Variants in KCNC2 observed in about 807,000 individuals in gnomAD.
KCNC2 encodes potassium voltage-gated channel subfamily C member 2.
KCNC2 carries 21 observed loss-of-function variants against 44.5 expected under a neutral mutation model. That is an observed-to-expected ratio of 0.47 (90% CI 0.33 to 0.68). The LOEUF is 0.68. Ranked by LOEUF, KCNC2 falls within the 30% of genes least tolerant of loss-of-function variation. KCNC2 has a pLI of 0.01. For missense variants in KCNC2, 589 were observed against 826.2 expected (o/e 0.71, Z 3.52); for synonymous variants, 391 against 339.1 (o/e 1.15, Z -1.68).
At position 75,048,164 on chromosome 12, in the gene KCNC2, C is replaced by T; in HGVS notation, c.1769G>A (p.Gly590Glu). 1 of 1,612,690 alleles carries T rather than the reference C, an allele frequency of 6.2e-7. No homozygotes were observed. Among genetic ancestry groups the T allele is most frequent in the Non-Finnish European group, 8.5e-7 (1 of 1,179,166 alleles). ...AAATGCATGCCTACCTTTCCTGATC[C>T]CTCCATCAGAAGCACACGTGTAATC... The part of the protein sequence containing the change: ...TGDYTCASDG[G>E]IRKGYEKSRS... The change falls in exon 4 of 5, where the codon GGG (glycine) becomes GAG (glutamate). Residue 590 changes from glycine to glutamate, a missense_variant. This residue lies in a region of KCNC2 where 171 missense variants were observed against 182.4 expected (regional missense o/e 0.94). Coordinates refer to ENST00000549446, the MANE Select transcript of KCNC2 (RefSeq NM_139137.4).
intron 2 of KCNC2, among the ~76,000 whole-genome samples, chr12:75,177,351 T>C (rs1386937176): frequency 6.6e-6 from 1 of 151,942 alleles, no homozygotes; most frequent in Non-Finnish European, 1.5e-5. Context: ...ATCCCAATAG[T>C]TTTAAATTGT....
At chr12:75,124,993 C>G (rs1317624834) in intron 2 of KCNC2, 1 of 152,062 alleles carries the variant, frequency 6.6e-6, no homozygotes, top group Non-Finnish European at 1.5e-5. Flanking sequence ...GTAGTCCTAG[C>G]TATGCGGGAG....
rs115531828 is a variant in KCNC2 at position 75,133,325 on chromosome 12, T to C, written c.687+73972A>G. Among the ~76,000 whole-genome samples, 1,382 of 152,066 alleles carry C rather than the reference T, an allele frequency of 9.1e-3. 20 individuals carry two copies. Among genetic ancestry groups the C allele is most frequent in the African/African-American group, 0.032 (1,309 of 41,546 alleles). The stretch of plus-strand genomic sequence containing the variant: ...AAAGATGATAAAATATTTGAGGTTA[T>C]GGATTACCCAAATTTGATCATTACA... On this transcript the variant is annotated intron_variant, in intron 2 of 4. Coordinates refer to ENST00000549446, the MANE Select transcript of KCNC2 (RefSeq NM_139137.4).
intron 2 of KCNC2, among the ~76,000 whole-genome samples, chr12:75,078,728 T>C (rs1884217062): frequency 6.6e-6 from 1 of 152,178 alleles, no homozygotes; most frequent in Non-Finnish European, 1.5e-5. Flanking sequence ...GTTGGTCTGC[T>C]TCCAGATTAA....
At chr12:75,130,399 A>G (rs560372760) in intron 2 of KCNC2, among the ~76,000 whole-genome samples, 28 of 152,196 alleles carry the variant, frequency 1.8e-4, no homozygotes, top group African/African-American at 6.0e-4. Context: ...TCTGTTTTCT[A>G]TTTATCTCTC....
chr12:75,182,529 A>AAAAAAAAAC (rs1274120447), intron 2 of KCNC2, among the ~76,000 whole-genome samples: 1 of 138,388 alleles, frequency 7.2e-6, no homozygotes, highest in South Asian at 2.3e-4. Context: ...TCAAAAAAAA[A>AAAAAAAAAC]AAAAAAAACA....
chr12:75,174,686 T>C (rs1299973856), intron 2 of KCNC2, among the ~76,000 whole-genome samples: 2 of 151,898 alleles, frequency 1.3e-5, no homozygotes, highest in African/African-American at 4.8e-5. Context: ...TACTGGTACT[T>C]ATTAAAATGT....
At chr12:75,147,170 T>A (rs1403850126) in intron 2 of KCNC2, among the ~76,000 whole-genome samples, 2 of 152,164 alleles carry the variant, frequency 1.3e-5, no homozygotes, top group Admixed American at 1.3e-4. Context: ...TAATTACATT[T>A]TGTTGACAAT....
At chr12:75,149,917 A>G (rs888748177) in intron 2 of KCNC2, among the ~76,000 whole-genome samples, 1 of 151,852 alleles carries the variant, frequency 6.6e-6, no homozygotes, top group Non-Finnish European at 1.5e-5. Context: ...TCATTCAACC[A>G]ACAGAGTCAG....
At chr12:75,137,707 A>G (rs1160426151) in intron 2 of KCNC2, among the ~76,000 whole-genome samples, 1 of 152,198 alleles carries the variant, frequency 6.6e-6, no homozygotes, top group Non-Finnish European at 1.5e-5. Flanking sequence ...TATGACCTTT[A>G]AAACAAAAAA....
intron 2 of KCNC2, among the ~76,000 whole-genome samples, chr12:75,115,908 T>A (rs916437548): frequency 1.3e-5 from 2 of 152,180 alleles, no homozygotes; most frequent in Non-Finnish European, 2.9e-5. Flanking sequence ...CTGCTTTGAA[T>A]GCATTTATTT....
At chr12:75,206,434 G>T (rs2031693184) in intron 2 of KCNC2, among the ~76,000 whole-genome samples, 1 of 152,150 alleles carries the variant, frequency 6.6e-6, no homozygotes, top group Non-Finnish European at 1.5e-5. Context: ...AATTGGGAAT[G>T]TCAAGGATTA....
intron 2 of KCNC2, among the ~76,000 whole-genome samples, chr12:75,071,937 CA>C (rs751849483): frequency 1.1e-3 from 77 of 67,356 alleles, no homozygotes; most frequent in African/African-American, 4.8e-3. Flanking sequence ...GACTCCTTCT[CA>C]AAAAAAAAAA....
In KCNC2 at chr12:75,190,288, C is replaced by T. The variant is rs2030070478; in HGVS notation, c.687+17009G>A. ...TGGTCATGCCTATCTTCTTTCAGTT[C>T]CTTTAATTTTCTTTGCTCTCATCTC... is the stretch of plus-strand genomic sequence containing the variant. On this transcript the variant is annotated intron_variant, in intron 2 of 4. Transcript: ENST00000549446. 2.6e-5 allele frequency among the ~76,000 whole-genome samples: 4 copies of T among 152,160 alleles called. 1 individual carries two copies. The South Asian group carries it at 8.3e-4, about 32-fold the overall frequency.
At chr12:75,181,517 G>A (rs1234564129) in intron 2 of KCNC2, among the ~76,000 whole-genome samples, 2 of 152,038 alleles carry the variant, frequency 1.3e-5, no homozygotes, top group South Asian at 4.1e-4. Context: ...GGCTGCTGAG[G>A]GTTCCCTAAT....
At chr12:75,136,008 AC>A (rs1362007082) in intron 2 of KCNC2, among the ~76,000 whole-genome samples, 1 of 151,820 alleles carries the variant, frequency 6.6e-6, no homozygotes, top group Non-Finnish European at 1.5e-5. Context: ...ATTTCCCTCC[AC>A]CTAAGACAAA....
chr12:75,117,386 A>G (rs2137269214), intron 2 of KCNC2, among the ~76,000 whole-genome samples: 1 of 152,328 alleles, frequency 6.6e-6, no homozygotes, highest in East Asian at 1.9e-4. Flanking sequence ...TAAATTTTCT[A>G]TAAAACAACT....
At chr12:75,193,323 T>A (rs2030470589) in intron 2 of KCNC2, among the ~76,000 whole-genome samples, 2 of 151,544 alleles carry the variant, frequency 1.3e-5, no homozygotes, top group South Asian at 4.2e-4. Context: ...AATACATAGG[T>A]TGGAAGTGGA....
chr12:75,207,152 G>C lies in KCNC2; in HGVS notation c.687+145C>G. 7.1e-7 allele frequency: 1 copy of C among 1,404,576 alleles called. No homozygotes were observed. Among genetic ancestry groups the C allele is most frequent in the Non-Finnish European group, 9.3e-7 (1 of 1,072,138 alleles). 87.0% of individuals were successfully genotyped at this position (1,404,576 alleles called of 1,614,324 possible). ...GGGGTCCCTGGGTTTACCCTGCAAAGGATGAGCCTCTAACTGTATCGCTAG... is the reference window on the plus strand; with the variant it reads ...GGGGTCCCTGGGTTTACCCTGCAAACGATGAGCCTCTAACTGTATCGCTAG... On this transcript the variant is annotated intron_variant, in intron 2 of 4. Transcript: ENST00000549446. This position sits in a 1 kb window ranked among gnomAD's most constrained non-coding sequence, Gnocchi z 4.1.
Sources: allele counts gnomAD v4.1 joint callset (sites outside exome capture counted in the v4.1 genomes callset), GRCh38; gene constraint gnomAD v4.1.1; regional missense constraint gnomAD v4.1.1; non-coding constraint Gnocchi (gnomAD v3.1); transcripts MANE v1.5; gene names NCBI Gene and HGNC (gene_info 2026-07-23, HGNC 2026-07-21).